GPS2: variants seen among roughly 807,000 people sequenced by gnomAD.
GPS2 encodes the protein G protein pathway suppressor 2, also known as GPS-2.
A neutral mutation model predicts 48.1 loss-of-function variants in GPS2; 22 were observed. The observed-to-expected ratio is 0.46, with a 90% CI of 0.33 to 0.65. The LOEUF (loss-of-function observed/expected upper bound fraction) is 0.65, where lower values mean the gene tolerates loss of function less well. GPS2 is among the 30% of genes least tolerant of loss of function. The pLI is 0.03. For missense variants in GPS2, 366 were observed against 406.8 expected (o/e 0.90, Z 0.86); for synonymous variants, 202 against 142.5 (o/e 1.42, Z -2.98).
intron 4 of GPS2, 63 bp from the exon 5 acceptor site, chr17:7,314,222 C>G: frequency 6.3e-7 from 1 of 1,594,806 alleles, no homozygotes; most frequent in Non-Finnish European, 8.6e-7. Context: ...CCATTAAACA[C>G]TGGTTCTTTT....
At chr17:7,314,467 A>C in intron 3 of GPS2, 21 bp downstream of exon 3, 1 of 1,614,162 alleles carries the variant, frequency 6.2e-7, no homozygotes, top group Non-Finnish European at 8.5e-7. Flanking sequence ...CAAAGCTGGG[A>C]AAGTTCAAGG....
At chr17:7,314,867 C>A in intron 2 of GPS2, 92 bp downstream of exon 2, 1 of 1,439,750 alleles carries the variant, frequency 6.9e-7, no homozygotes. Flanking sequence ...CGCTCGGCAG[C>A]GGGCGCGCTG....
chr17:7,313,486 C>G lies in GPS2; in HGVS notation c.635-17G>C. Reference sequence around the variant, plus strand: ...CCGAAGGAGCTGAGAAAGGAAAAGACAGAGCCATTAAAATCTTTTACTGAA... The same window carrying G: ...CCGAAGGAGCTGAGAAAGGAAAAGAGAGAGCCATTAAAATCTTTTACTGAA... On this transcript the variant is annotated splice_polypyrimidine_tract_variant and intron_variant, in intron 7 of 10. Coordinates refer to ENST00000380728, the MANE Select transcript of GPS2 (RefSeq NM_004489.5). The G allele has an allele frequency of 1.2e-6, 2 of 1,613,970 alleles. No homozygotes were observed. The highest frequency in any genetic ancestry group is 1.7e-6 in the Non-Finnish European group (2 of 1,179,824).
In GPS2 at chr17:7,312,872, C is replaced by G. The variant is rs372323898; in HGVS notation, c.901-33G>C. ...TGGTGATGAAAAGAGGGCTTTGTCA[C>G]TGGGCATACTCTCCCTTCCACTTAA... On this transcript the variant is annotated intron_variant, in intron 10 of 10. Coordinates refer to ENST00000380728, the MANE Select transcript of GPS2 (RefSeq NM_004489.5). 8.3e-4 allele frequency: 1,321 copies of G among 1,584,862 alleles called. 3 individuals are homozygous for G. The highest frequency in any genetic ancestry group is 1.1e-3 in the Non-Finnish European group (1,246 of 1,153,800).
Position 7,315,082 on chromosome 17 carries a change from C to A in GPS2, c.-30G>T. 1.3e-6 allele frequency: 2 copies of A among 1,535,930 alleles called. No homozygotes were observed. Among genetic ancestry groups the A allele is most frequent in the Non-Finnish European group, 1.8e-6 (2 of 1,139,742 alleles). On this transcript the variant is annotated 5_prime_UTR_variant, in exon 2 of 11. Coordinates refer to ENST00000380728, the MANE Select transcript of GPS2 (RefSeq NM_004489.5). ...CTGCCGTGGGCGCTCGGGCCGTGGG[C>A]GCCCGGCTGTCTCTGACTGCCAGAC...
At chr17:7,314,191 G>T in intron 4 of GPS2, 32 bp from the exon 5 acceptor site, 1 of 1,598,136 alleles carries the variant, frequency 6.3e-7, no homozygotes, top group Non-Finnish European at 8.6e-7. Flanking sequence ...TCAAAGTCAA[G>T]GACAGATGCC....
rs774399124 is a variant in GPS2, at chr17:7,314,136, G to C, written c.341C>G (p.Ala114Gly). The C allele has an allele frequency of 3.1e-6, 5 of 1,613,940 alleles. No individual in the cohort carries two copies. The highest frequency in any genetic ancestry group is 4.2e-6 in the Non-Finnish European group (5 of 1,179,942). Reference protein sequence around the residue: ...EQSDLTTLTSAAYQQSLTVHT... With the variant: ...EQSDLTTLTSGAYQQSLTVHT... Reference sequence around the variant, plus strand: ...AACAGTCAGGCTCTGCTGGTATGCAGCTGATGTTAGGGTGGTCAGGTCACT... The same window carrying C: ...AACAGTCAGGCTCTGCTGGTATGCACCTGATGTTAGGGTGGTCAGGTCACT... The change falls in exon 5 of 11, where the codon GCT (alanine) becomes GGT (glycine). Residue 114 changes from alanine (A) to glycine (G), a missense_variant. Ala to Gly is a moderately conservative substitution (Grantham distance 60). Transcript: ENST00000380728.
At position 7,312,673 on chromosome 17, in the gene GPS2, G is replaced by T. The variant is rs1394059856; in HGVS notation, c.*83C>A. The T allele has an allele frequency of 6.3e-6, 7 of 1,113,184 alleles. No individual in the cohort carries two copies. The highest frequency in any genetic ancestry group is 9.6e-6 in the Non-Finnish European group (7 of 726,792). 69.0% of individuals were successfully genotyped at this position (1,113,184 alleles called of 1,614,324 possible). On this transcript the variant is annotated 3_prime_UTR_variant, in exon 11 of 11. Coordinates refer to ENST00000380728, the MANE Select transcript of GPS2 (RefSeq NM_004489.5). ...CAGCAGCCAGGGGCAGTGGCAGGTA[G>T]ATTTTATTGGCCTGGGACACACAGG...
Position 7,314,535 on chromosome 17 carries a change from T to C in GPS2, c.157A>G (p.Lys53Glu). 6.2e-7 allele frequency: 1 copy of C among 1,614,026 alleles called. No homozygotes were observed. Among genetic ancestry groups the C allele is most frequent in the Non-Finnish European group, 8.5e-7 (1 of 1,179,834 alleles). Residue 53 changes from lysine (K) to glutamate (E), a missense_variant, in exon 3 of 11, where the codon AAA becomes GAA. Around this residue, in one of 3 missense-constraint regions of GPS2, gnomAD observed 88 missense variants for 107.4 expected, o/e 0.82. Transcript: ENST00000380728. ...KMKEEQERRK[K>E]KEMEERMSLE... ...GACATTCTCTCTTCCATCTCCTTTT[T>C]CTTCCTTCTCTCCTGTTCTTCCTTC...
rs1371663838 is a variant in GPS2, at chr17:7,314,420, AAAG to A, written c.205-20_205-18del. ...CTTCAGAATCTGGGATGGGGTGGGA[AAAG>A]AAGATGAAGGCAGGGAGAGTCAAAC... On this transcript the variant is annotated intron_variant, in intron 3 of 10. Coordinates refer to ENST00000380728, the MANE Select transcript of GPS2 (RefSeq NM_004489.5). 2.5e-6 allele frequency: 4 copies of A among 1,614,166 alleles called. No homozygotes were observed. The highest frequency in any genetic ancestry group is 2.5e-6 in the Non-Finnish European group (3 of 1,180,012).
rs1442593200 is a variant in GPS2, at chr17:7,315,333, G to A, written c.-70C>T. On this transcript the variant is annotated splice_region_variant and 5_prime_UTR_variant, in exon 1 of 11. Transcript: ENST00000380728. ...GCGCGGACGACTGCCCTTCCTACCC[G>A]CCTTCTCTGCGCTTTCTCAGCGGCT... 3 of 389,172 alleles carry A rather than the reference G, an allele frequency of 7.7e-6. No individual in the cohort carries two copies. Among genetic ancestry groups the A allele is most frequent in the African/African-American group, 2.1e-5 (1 of 48,250 alleles). The allele number at this position is 389,172 out of a possible 1,614,324, so 24.1% of individuals were successfully genotyped here.
chr17:7,314,170 A>T lies in GPS2; in HGVS notation c.318-11T>A. The T allele has an allele frequency of 6.2e-7, 1 of 1,609,604 alleles. No individual in the cohort carries two copies. Among genetic ancestry groups the T allele is most frequent in the South Asian group, 1.1e-5 (1 of 90,988 alleles). On this transcript the variant is annotated splice_polypyrimidine_tract_variant and intron_variant, in intron 4 of 10. Coordinates refer to ENST00000380728, the MANE Select transcript of GPS2 (RefSeq NM_004489.5). ...AGGGTGGTCAGGTCACTGGAGTGAA[A>T]GGAAGACAGGTCAAAGTCAAGGACA... is the stretch of plus-strand genomic sequence containing the variant.
chr17:7,313,120 G>A lies in GPS2; in HGVS notation c.809C>T (p.Ser270Phe). ...AGCCTGGGGGTGCATGGGGCGCAGA[G>A]AGGACTGCAGAGAACAGAGTCAGGG... ...NQQTGFSDSS[S>F]LRPMHPQALH... The change falls in exon 10 of 11, where the codon TCT (serine) becomes TTT (phenylalanine). Residue 270 changes from serine to phenylalanine, a missense_variant. Coordinates refer to ENST00000380728, the MANE Select transcript of GPS2 (RefSeq NM_004489.5). 1 of 1,599,538 alleles carries A rather than the reference G, an allele frequency of 6.3e-7. No homozygotes were observed. The highest frequency in any genetic ancestry group is 1.1e-5 in the South Asian group (1 of 89,932).
In GPS2 at chr17:7,314,127, T is replaced by G; in HGVS notation, c.350A>C (p.Gln117Pro). 1 of 1,614,080 alleles carries G rather than the reference T, an allele frequency of 6.2e-7. No homozygotes were observed. Among genetic ancestry groups the G allele is most frequent in the Non-Finnish European group, 8.5e-7 (1 of 1,179,978 alleles). The change falls in exon 5 of 11, where the codon CAG (glutamine) becomes CCG (proline). Residue 117 changes from glutamine to proline, a missense_variant. Transcript: ENST00000380728. ...DLTTLTSAAY[Q>P]QSLTVHTGTH... ...TCCTGTGTGAACAGTCAGGCTCTGC[T>G]GGTATGCAGCTGATGTTAGGGTGGT...
chr17:7,313,495 T>TA, intron 7 of GPS2, 26 bp from the exon 8 acceptor site: 1 of 1,613,794 alleles, frequency 6.2e-7, no homozygotes, highest in Non-Finnish European at 8.5e-7. Context: ...ACAGAGCCAT[T>TA]AAAATCTTTT....
intron 2 of GPS2, 67 bp from the exon 3 acceptor site, chr17:7,314,664 G>C (rs2072913866): frequency 1.2e-6 from 2 of 1,607,958 alleles, no homozygotes; most frequent in Middle Eastern, 1.7e-4. Flanking sequence ...ACAGATTGAA[G>C]ACCAGCAAAA....
chr17:7,314,763 G>A (rs1317308650), intron 2 of GPS2, 166 bp from the exon 3 acceptor site: 9 of 1,394,868 alleles, frequency 6.5e-6, no homozygotes, highest in Non-Finnish European at 8.9e-6. Context: ...GCTTTATCAG[G>A]TGCTCTCCAA....
chr17:7,313,871 A>G (rs1366799247), intron 6 of GPS2, 35 bp downstream of exon 6: 2 of 1,589,066 alleles, frequency 1.3e-6, no homozygotes, highest in South Asian at 1.1e-5. Context: ...CATGGATGGA[A>G]GTACTAGGGG....
chr17:7,313,273 C>T lies in GPS2; in HGVS notation c.743G>A (p.Gly248Asp), dbSNP rs780454570. ...CATCTGCTTTTGCAAGGACAGGGCA[C>T]CACCAGGCTGGAGGAAACCTAGGTG... is the stretch of plus-strand genomic sequence containing the variant. ...PTQTGFLQPG[G>D]ALSLQKQMEH... The change falls in exon 9 of 11, where the codon GGT becomes GAT. Residue 248 changes from glycine to aspartate, a missense_variant. By Grantham distance (94) the Gly-to-Asp change is moderately conservative. This residue lies in a region of GPS2 where 275 missense variants were observed against 282.3 expected (regional missense o/e 0.97). Transcript: ENST00000380728. The T allele has an allele frequency of 6.2e-7, 1 of 1,614,122 alleles. No homozygotes were observed. The highest frequency in any genetic ancestry group is 8.5e-7 in the Non-Finnish European group (1 of 1,179,980).
Sources: gnomAD v4.1 joint callset for allele counts on GRCh38, gnomAD v4.1.1 for gene constraint, gnomAD v4.1.1 regional missense constraint, MANE v1.5 for transcripts, NCBI Gene and HGNC (gene_info 2026-07-23, HGNC 2026-07-21) for gene names.